ITGAX: variants seen among roughly 807,000 people sequenced by gnomAD.
ITGAX encodes the protein integrin alpha-X.
ITGAX carries 99 observed loss-of-function variants against 140.2 expected under a neutral mutation model. The ratio of observed to expected loss-of-function variants is 0.71; its 90% CI spans 0.60 to 0.83. The LOEUF (loss-of-function observed/expected upper bound fraction) is 0.83, where lower values mean the gene tolerates loss of function less well. Ranked by LOEUF, ITGAX falls within the 40% of genes least tolerant of loss-of-function variation. ITGAX has a pLI of 0.00. For missense variants in ITGAX, 1,444 were observed against 1,482.0 expected, an observed-to-expected ratio of 0.97 and a Z score of 0.42; for synonymous variants, 631 against 600.4, an observed-to-expected ratio of 1.05 and a Z score of -0.75.
At chr16:31,372,709 C>T in intron 19 of ITGAX, 39 bp downstream of exon 19, 1 of 1,575,810 alleles carries the variant, frequency 6.3e-7, no homozygotes, top group Non-Finnish European at 8.7e-7. Flanking sequence ...ACTGCCCCAG[C>T]CTCCTTCCTG....
At chr16:31,363,440 T>C in intron 14 of ITGAX, 66 bp downstream of exon 14, 5 of 1,557,336 alleles carry the variant, frequency 3.2e-6, no homozygotes, top group Non-Finnish European at 4.4e-6. Context: ...TCTGTCATAC[T>C]GGAAAACTGT....
At position 31,362,074 on chromosome 16, in the gene ITGAX, G is replaced by A. The variant is rs759649296; in HGVS notation, c.1087-1G>A. ...TCAGCCCTGGAATCCTTTTCTCCCAGGATGGCCCCGTTCTGGGGGCTGTGG... is the reference window on the plus strand; with the variant it reads ...TCAGCCCTGGAATCCTTTTCTCCCAAGATGGCCCCGTTCTGGGGGCTGTGG... On this transcript the variant is annotated splice_acceptor_variant, in intron 10 of 29. Transcript: ENST00000268296. LOFTEE classifies it high-confidence loss of function. 1.6e-5 allele frequency: 26 copies of A among 1,613,984 alleles called. 1 individual carries two copies. In the South Asian group the frequency reaches 2.9e-4, roughly 18 times the overall value.
rs575780620 is a variant in ITGAX at position 31,371,661 on chromosome 16, G to A, written c.2037G>A (p.Leu679=). 3.1e-6 allele frequency: 5 copies of A among 1,614,142 alleles called. No individual in the cohort carries two copies. The East Asian group carries it at 1.1e-4, about 36-fold the overall frequency. The change falls in exon 17 of 30, where the codon CTG becomes CTA. Residue 679 remains leucine, a synonymous_variant. Transcript: ENST00000268296. The part of the protein sequence containing the change: ...RDLQSSVTLD[L]ALDPGRLSPR... ...TCCAAAGCTCTGTGACCTTGGACCT[G>A]GCCCTCGACCCTGGCCGCCTGAGTC...
intron 8 of ITGAX, 91 bp downstream of exon 8, chr16:31,360,554 G>T: frequency 1.6e-6 from 2 of 1,252,224 alleles, no homozygotes; most frequent in Non-Finnish European, 2.2e-6. Context: ...TTGAGACAGG[G>T]TCTTGCTCTA....
At position 31,372,592 on chromosome 16, in the gene ITGAX, C is replaced by G. The variant is rs771106198; in HGVS notation, c.2293-5C>G. On this transcript the variant is annotated splice_polypyrimidine_tract_variant and splice_region_variant and intron_variant, in intron 18 of 29. Transcript: ENST00000268296. ...GAGAAAACCCCCCGTTGCCTTCCCACGCAGCTACCCTTTGAGAAGAACTGT... is the reference window on the plus strand; with the variant it reads ...GAGAAAACCCCCCGTTGCCTTCCCAGGCAGCTACCCTTTGAGAAGAACTGT... 1 of 1,614,144 alleles carries G rather than the reference C, an allele frequency of 6.2e-7. No homozygotes were observed. Among genetic ancestry groups the G allele is most frequent in the Non-Finnish European group, 8.5e-7 (1 of 1,179,976 alleles).
intron 20 of ITGAX, 88 bp downstream of exon 20, chr16:31,373,478 T>C: frequency 7.2e-7 from 1 of 1,389,836 alleles, no homozygotes; most frequent in Non-Finnish European, 9.6e-7. Flanking sequence ...GGCTTGGAGG[T>C]GGTAGTGCCA....
chr16:31,373,465 C>A, intron 20 of ITGAX, 75 bp downstream of exon 20: 1 of 1,471,952 alleles, frequency 6.8e-7, no homozygotes, highest in Admixed American at 2.1e-5. Context: ...AGAACCCGGG[C>A]TGGGCTTGGA....
At position 31,361,085 on chromosome 16, in the gene ITGAX, G is replaced by T. The variant is rs150242454; in HGVS notation, c.884G>T (p.Arg295Ile). 6.2e-7 allele frequency: 1 copy of T among 1,612,298 alleles called. No homozygotes were observed. The highest frequency in any genetic ancestry group is 8.5e-7 in the Non-Finnish European group (1 of 1,179,652). Residue 295 changes from arginine (R) to isoleucine (I), a missense_variant, in exon 9 of 30, where the codon AGA becomes ATA. Coordinates refer to ENST00000268296, the MANE Select transcript of ITGAX (RefSeq NM_000887.5). ...CAGGTTGGATTAGCTTTTCAAAACA[G>T]AAATTCTTGGAAAGAATTAAATGAC... ...AIGVGLAFQN[R>I]NSWKELNDIA...
chr16:31,368,695 G>A (rs1369619832), intron 14 of ITGAX, among the ~76,000 whole-genome samples: 1 of 151,764 alleles, frequency 6.6e-6, no homozygotes, highest in Non-Finnish European at 1.5e-5. Context: ...GTGGAGGGAA[G>A]GTCAGCAGAT....
Position 31,380,984 on chromosome 16 carries a change from C to T in ITGAX, c.3364C>T (p.Leu1122Phe), listed in dbSNP as rs2081064468. The change falls in exon 29 of 30, where the codon CTC (leucine) becomes TTC (phenylalanine). Residue 1122 changes from leucine to phenylalanine, a missense_variant. Physicochemically the swap from Leu to Phe is conservative, Grantham distance 22. Transcript: ENST00000268296. ...SSIGGLLLLA[L>F]ITAVLYKVGF... is the part of the protein sequence containing the mutation. ...CATTGGGGGTCTGTTGCTGCTGGCA[C>T]TCATCACAGCGGTACTGTACAAAGT... 6.2e-7 allele frequency: 1 copy of T among 1,613,986 alleles called. No individual in the cohort carries two copies. Among genetic ancestry groups the T allele is most frequent in the Non-Finnish European group, 8.5e-7 (1 of 1,179,868 alleles).
At chr16:31,377,682 C>T (rs1436183562) in intron 23 of ITGAX, among the ~76,000 whole-genome samples, 9 of 152,296 alleles carry the variant, frequency 5.9e-5, no homozygotes, top group Admixed American at 4.6e-4. Flanking sequence ...GGCTCTCATA[C>T]CCCTTGGCAG....
At chr16:31,357,769 T>G in intron 5 of ITGAX, 1 of 416,476 alleles carries the variant, frequency 2.4e-6, no homozygotes. Context: ...CCAATTGGTT[T>G]GTGCCGTAGT....
intron 5 of ITGAX, among the ~76,000 whole-genome samples, chr16:31,359,355 G>A (rs754703410): frequency 4.6e-5 from 7 of 151,976 alleles, no homozygotes; most frequent in Non-Finnish European, 7.4e-5. Flanking sequence ...TAGTAGAGAC[G>A]GGGTTTCACC....
intron 23 of ITGAX, 140 bp from the exon 24 acceptor site, chr16:31,379,428 T>C (rs1285252367): frequency 3.7e-6 from 3 of 810,694 alleles, no homozygotes; most frequent in African/African-American, 3.4e-5. Flanking sequence ...CTAAACTCTC[T>C]TATAACCTAA....
At chr16:31,358,813 GTT>G (rs142979565) in intron 5 of ITGAX, among the ~76,000 whole-genome samples, 120 of 139,194 alleles carry the variant, frequency 8.6e-4, no homozygotes, top group Admixed American at 1.8e-3. Flanking sequence ...AATCTTCCTG[GTT>G]TTTTTTTTTT....
In ITGAX at chr16:31,371,745, G is replaced by T. The variant is rs1597077217; in HGVS notation, c.2121G>T (p.Gly707=). Residue 707 remains glycine (G), a synonymous_variant, in exon 17 of 30, where the codon GGG becomes GGT. Coordinates refer to ENST00000268296, the MANE Select transcript of ITGAX (RefSeq NM_000887.5). ...NRSLSRVRVL[G]LKAHCENFNL... ...GTCTGAGCCGAGTCCGAGTCCTCGG[G>T]CTGAAGGCACACTGTGAAAACTTCA... 1 of 1,614,068 alleles carries T rather than the reference G, an allele frequency of 6.2e-7. No homozygotes were observed. The highest frequency in any genetic ancestry group is 1.3e-5 in the African/African-American group (1 of 75,058).
In ITGAX at chr16:31,377,188, C is replaced by A. The variant is rs763066244; in HGVS notation, c.2712C>A (p.Asn904Lys). 1 of 1,613,966 alleles carries A rather than the reference C, an allele frequency of 6.2e-7. No individual in the cohort carries two copies. Among genetic ancestry groups the A allele is most frequent in the Admixed American group, 1.7e-5 (1 of 60,000 alleles). Residue 904 changes from asparagine (N) to lysine (K), a missense_variant, in exon 23 of 30, where the codon AAC becomes AAA. Asn to Lys is a moderately conservative substitution (Grantham distance 94, BLOSUM62 0). Coordinates refer to ENST00000268296, the MANE Select transcript of ITGAX (RefSeq NM_000887.5). ...LLLTANVSSE[N>K]NTPRTSKTTF... ...GTCTCTCCTCTTTCTCCAGTGAGAA[C>A]AACACTCCCAGGACCAGCAAGACCA... is the stretch of plus-strand genomic sequence containing the variant.
intron 9 of ITGAX, 52 bp from the exon 10 acceptor site, chr16:31,361,784 C>A (rs373662345): frequency 1.3e-6 from 2 of 1,581,536 alleles, no homozygotes. Context: ...GTTCTTGGAC[C>A]TGGCAAAGCC....
chr16:31,357,496 T>C, intron 5 of ITGAX, 132 bp downstream of exon 5: 1 of 634,882 alleles, frequency 1.6e-6, no homozygotes, highest in Non-Finnish European at 2.7e-6. Context: ...CGTGTTGCAG[T>C]GGTTCCTGAC....
Sources: gnomAD v4.1 joint callset for allele counts (sites outside exome capture counted in the v4.1 genomes callset) on GRCh38, gnomAD v4.1.1 for gene constraint, MANE v1.5 for transcripts, NCBI Gene and HGNC (gene_info 2026-07-23, HGNC 2026-07-21) for gene names.